Variants in CAMKMT observed in about 807,000 individuals in gnomAD.
CAMKMT encodes the protein CaM KMT.
CAMKMT carries 53 observed loss-of-function variants against 48.0 expected under a neutral mutation model. The ratio of observed to expected loss-of-function variants is 1.10; its 90% confidence interval spans 0.89 to 1.39. The LOEUF is 1.39. CAMKMT is among the 40% of genes most tolerant of loss of function. CAMKMT has a pLI of 0.00. For missense variants in CAMKMT, 428 were observed against 402.7 expected, an observed-to-expected ratio of 1.06 and a Z score of -0.54; for synonymous variants, 165 against 152.3, an observed-to-expected ratio of 1.08 and a Z score of -0.61.
At chr2:44,728,396 T>A (rs1678902800) in intron 7 of CAMKMT, among the ~76,000 whole-genome samples, 1 of 152,212 alleles carries the variant, frequency 6.6e-6, no homozygotes, top group African/African-American at 2.4e-5. Context: ...TCATTGTGTC[T>A]TTGCCAGAGA....
chr2:44,412,424 C>T (rs1163625186), intron 3 of CAMKMT, among the ~76,000 whole-genome samples: 1 of 152,142 alleles, frequency 6.6e-6, no homozygotes, highest in Admixed American at 6.5e-5. Context: ...CAACCTCTGC[C>T]TCCCAGGTTC....
intron 3 of CAMKMT, among the ~76,000 whole-genome samples, chr2:44,579,678 T>A (rs1558718019): frequency 6.6e-6 from 1 of 152,220 alleles, no homozygotes; most frequent in Non-Finnish European, 1.5e-5. Context: ...CCCGGCTCTG[T>A]GTCTCTTATC....
intron 3 of CAMKMT, among the ~76,000 whole-genome samples, chr2:44,630,171 G>A (rs1672733783): frequency 6.6e-6 from 1 of 151,774 alleles, no homozygotes; most frequent in Admixed American, 6.6e-5. Context: ...AATAAATGGT[G>A]CTGGGAAAAC....
At chr2:44,638,179 A>G (rs1031688299) in intron 3 of CAMKMT, among the ~76,000 whole-genome samples, 5 of 152,170 alleles carry the variant, frequency 3.3e-5, no homozygotes, top group Admixed American at 1.3e-4. Context: ...CTTTTCAACT[A>G]TGGTTTCATC....
At chr2:44,450,328 A>T (rs1469359024) in intron 3 of CAMKMT, among the ~76,000 whole-genome samples, 1 of 152,082 alleles carries the variant, frequency 6.6e-6, no homozygotes, top group Non-Finnish European at 1.5e-5. Flanking sequence ...TGTTTTTGAC[A>T]TCCTTTATAT....
At chr2:44,460,615 G>A (rs1186629605) in intron 3 of CAMKMT, among the ~76,000 whole-genome samples, 1 of 152,024 alleles carries the variant, frequency 6.6e-6, no homozygotes, top group Non-Finnish European at 1.5e-5. Context: ...ATTGGACACT[G>A]GTGATGTGGT....
intron 3 of CAMKMT, among the ~76,000 whole-genome samples, chr2:44,543,522 G>C (rs6738830): frequency 0.62 from 94,835 of 152,032 alleles, 30,138 homozygotes; most frequent in Admixed American, 0.7. Flanking sequence ...CTGTGGTGCT[G>C]AATGTAAACA....
chr2:44,587,353 A>G (rs1360584536), intron 3 of CAMKMT, among the ~76,000 whole-genome samples: 1 of 152,176 alleles, frequency 6.6e-6, no homozygotes, highest in Admixed American at 6.5e-5. Context: ...GGTTTTACAT[A>G]TCTTTTGTCA....
At chr2:44,676,425 G>C (rs779146719) in intron 3 of CAMKMT, among the ~76,000 whole-genome samples, 17 of 152,132 alleles carry the variant, frequency 1.1e-4, no homozygotes, top group Admixed American at 6.5e-5. Flanking sequence ...CCTCAAAACA[G>C]GCTTGACTTT....
intron 3 of CAMKMT, among the ~76,000 whole-genome samples, chr2:44,396,973 C>A (rs972944045): frequency 6.6e-6 from 1 of 150,558 alleles, no homozygotes. Flanking sequence ...GCAGTAGAAT[C>A]GCTTGAACCC....
At chr2:44,697,397 C>A (rs1165621101) in intron 3 of CAMKMT, among the ~76,000 whole-genome samples, 1 of 151,968 alleles carries the variant, frequency 6.6e-6, no homozygotes, top group Non-Finnish European at 1.5e-5. Flanking sequence ...GCATAGAGGG[C>A]ATTCAGTCCA....
intron 3 of CAMKMT, among the ~76,000 whole-genome samples, chr2:44,458,149 C>T (rs369937327): frequency 2.0e-5 from 3 of 147,216 alleles, no homozygotes; most frequent in South Asian, 4.3e-4. Flanking sequence ...CCGGTTCAAA[C>T]GATCTTCCCA....
chr2:44,569,493 C>A (rs778684473), intron 3 of CAMKMT, among the ~76,000 whole-genome samples: 8 of 152,118 alleles, frequency 5.3e-5, no homozygotes, highest in Non-Finnish European at 8.8e-5. Flanking sequence ...TGTACTGTTA[C>A]TATTGTCATT....
At chr2:44,692,688 C>T (rs1295305494) in intron 3 of CAMKMT, among the ~76,000 whole-genome samples, 2 of 144,920 alleles carry the variant, frequency 1.4e-5, no homozygotes, top group African/African-American at 5.5e-5. Flanking sequence ...ATTCAAGCTG[C>T]ACTGTAACTC....
intron 3 of CAMKMT, among the ~76,000 whole-genome samples, chr2:44,661,585 G>C (rs1048599893): frequency 1.1e-4 from 16 of 152,296 alleles, no homozygotes; most frequent in African/African-American, 3.6e-4. Flanking sequence ...ATTGCTATAA[G>C]ACTAAGGATG....
intron 3 of CAMKMT, among the ~76,000 whole-genome samples, chr2:44,602,826 C>T (rs966912895): frequency 6.6e-6 from 1 of 152,094 alleles, no homozygotes; most frequent in Non-Finnish European, 1.5e-5. Flanking sequence ...CCTCCCCTGA[C>T]ACCTGGGGAT....
chr2:44,403,125 A>T (rs1682544533), intron 3 of CAMKMT, among the ~76,000 whole-genome samples: 1 of 152,112 alleles, frequency 6.6e-6, no homozygotes, highest in Non-Finnish European at 1.5e-5. Context: ...GTTGATTCTT[A>T]GGGAACCCTG....
intron 3 of CAMKMT, among the ~76,000 whole-genome samples, chr2:44,539,330 A>G (rs1401754288): frequency 1.3e-5 from 2 of 150,932 alleles, no homozygotes; most frequent in African/African-American, 2.4e-5. Context: ...ATCTCTTTAT[A>G]TCTTTTAAAT....
intron 3 of CAMKMT, among the ~76,000 whole-genome samples, chr2:44,642,309 G>A (rs1673491900): frequency 6.6e-6 from 1 of 152,140 alleles, no homozygotes; most frequent in South Asian, 2.1e-4. Context: ...GAGAAGATAA[G>A]GGTGCAGAGA....
Sources: allele counts gnomAD v4.1 joint callset (sites outside exome capture counted in the v4.1 genomes callset), GRCh38; gene constraint gnomAD v4.1.1; transcripts MANE v1.5; gene names NCBI Gene and HGNC (gene_info 2026-07-23, HGNC 2026-07-21).